The following CROT variants were observed in gnomAD, a reference collection of about 807,000 sequenced individuals.
CROT encodes carnitine O-octanoyltransferase.
Under a neutral mutation model 89.2 loss-of-function variants are expected in CROT, and 84 were observed. The ratio of observed to expected loss-of-function variants is 0.94; its 90% CI spans 0.79 to 1.13. The LOEUF (loss-of-function observed/expected upper bound fraction) is 1.13. CROT is among the 50% of genes most tolerant of loss of function. CROT has a pLI of 0.00. For missense variants in CROT, 711 were observed against 727.8 expected (o/e 0.98, Z 0.27); for synonymous variants, 212 against 239.5 (o/e 0.89, Z 1.06).
intron 2 of CROT, among the ~76,000 whole-genome samples, chr7:87,347,487 T>G (rs764351673): frequency 9.2e-5 from 14 of 152,008 alleles, no homozygotes; most frequent in Non-Finnish European, 2.1e-4. Context: ...TGTACTTGGA[T>G]CCAGATCTAC....
chr7:87,373,545 T>TA (rs915603891), intron 7 of CROT, among the ~76,000 whole-genome samples: 19 of 151,996 alleles, frequency 1.3e-4, no homozygotes, highest in Non-Finnish European at 1.2e-4. Flanking sequence ...AAGATCTTTT[T>TA]AAAAAAAATT....
chr7:87,373,409 A>G (rs1196764196), intron 7 of CROT, among the ~76,000 whole-genome samples: 5 of 152,024 alleles, frequency 3.3e-5, no homozygotes, highest in Non-Finnish European at 7.4e-5. Context: ...TTGATGCACA[A>G]TATTTTTCGT....
At chr7:87,381,033 C>T (rs1363699210) in intron 10 of CROT, among the ~76,000 whole-genome samples, 1 of 152,182 alleles carries the variant, frequency 6.6e-6, no homozygotes. Context: ...ATAGGCTCCG[C>T]TGGGCCATGA....
chr7:87,364,578 G>A lies in CROT; in HGVS notation c.547+2726G>A, dbSNP rs192350490. Among the ~76,000 whole-genome samples the A allele has an allele frequency of 1.6e-4, 25 of 152,290 alleles. 1 individual carries two copies. The East Asian group carries it at 3.8e-3, about 23-fold the overall frequency. The stretch of plus-strand genomic sequence containing the variant: ...AGTGGTGGTAACATTTGGAAATAAT[G>A]CTTGCAAGAAAAGTTTTGATGTGCA... On this transcript the variant is annotated intron_variant, in intron 6 of 17. Coordinates refer to ENST00000331536, the MANE Select transcript of CROT (RefSeq NM_021151.4).
At chr7:87,371,465 T>A (rs966977063) in intron 7 of CROT, among the ~76,000 whole-genome samples, 1 of 152,242 alleles carries the variant, frequency 6.6e-6, no homozygotes, top group African/African-American at 2.4e-5. Context: ...TTGTTTCCAT[T>A]TGTTGCTATA....
At position 87,392,644 on chromosome 7, in the gene CROT, G is replaced by T. The variant is rs146255213; in HGVS notation, c.1504G>T (p.Gly502Ter). 1 of 1,612,542 alleles carries T rather than the reference G, an allele frequency of 6.2e-7. No homozygotes were observed. Among genetic ancestry groups the T allele is most frequent in the Non-Finnish European group, 8.5e-7 (1 of 1,179,208 alleles). The change falls in exon 15 of 18, where the codon GGA (glycine) becomes TGA (stop). Residue 502 changes from glycine to a stop codon, truncating the protein, a stop_gained and splice_region_variant. Transcript: ENST00000331536. LOFTEE classifies it high-confidence loss of function. The stretch of plus-strand genomic sequence containing the variant: ...GATGAAAGATTGTTCAGCTGGAAAA[G>T]GTACTTAAGTTAAAATTTTTCTGAC... Reference protein sequence around the residue: ...KMMKDCSAGKGFDRHLLGLLL... With the variant: ...KMMKDCSAGK
Position 87,369,593 on chromosome 7 carries a change from A to T in CROT, c.656+109A>T, listed in dbSNP as rs546712901. 1.2e-3 allele frequency: 604 copies of T among 498,136 alleles called. 14 individuals are homozygous for T. The East Asian group carries it at 0.02, about 16-fold the overall frequency. The allele number at this position is 498,136 out of a possible 1,614,324, so 30.9% of individuals were successfully genotyped here. ...GGTGATAGTAAGCTGAAAAATAAGA[A>T]TTTTATGCATGCTTTTTTAAAAAAA... On this transcript the variant is annotated intron_variant, in intron 7 of 17. Transcript: ENST00000331536.
chr7:87,351,234 G>A (rs1324419967), intron 3 of CROT, among the ~76,000 whole-genome samples: 3 of 149,606 alleles, frequency 2.0e-5, no homozygotes, highest in African/African-American at 4.9e-5. Context: ...GCGTGAACCC[G>A]GGAGGCAGAG....
At position 87,381,947 on chromosome 7, in the gene CROT, GTTA is replaced by G. The variant is rs765080232; in HGVS notation, c.1021_1023del (p.Tyr341del). On this transcript the variant is annotated inframe_deletion, in exon 11 of 18. Transcript: ENST00000331536. ...GATGCAATGATTATGGTGAACATCA[GTTA>G]TTATGTGGATGAGAAAATTTTTCAG... 10 of 1,611,148 alleles carry G rather than the reference GTTA, an allele frequency of 6.2e-6. No individual in the cohort carries two copies. The highest frequency in any genetic ancestry group is 3.3e-4 in the Middle Eastern group (2 of 6,026).
chr7:87,361,777 C>A lies in CROT; in HGVS notation c.472C>A (p.Gln158Lys). The change falls in exon 6 of 18, where the codon CAA (glutamine) becomes AAA (lysine). Residue 158 changes from glutamine to lysine, a missense_variant. Physicochemically the swap from Gln to Lys is moderately conservative, Grantham distance 53. Transcript: ENST00000331536. Reference protein sequence around the residue: ...KVGNTPLDMNQFRMLFSTCKV... With the variant: ...KVGNTPLDMNKFRMLFSTCKV... Reference sequence around the variant, plus strand: ...TGGAAATACTCCTCTAGATATGAATCAATTCCGAATGCTATTTTCTACCTG... The same window carrying A: ...TGGAAATACTCCTCTAGATATGAATAAATTCCGAATGCTATTTTCTACCTG... 6 of 1,608,490 alleles carry A rather than the reference C, an allele frequency of 3.7e-6. No individual in the cohort carries two copies. The highest frequency in any genetic ancestry group is 5.1e-6 in the Non-Finnish European group (6 of 1,177,242).
intron 2 of CROT, among the ~76,000 whole-genome samples, chr7:87,348,452 T>C (rs1805764261): frequency 6.6e-6 from 1 of 152,338 alleles, no homozygotes; most frequent in African/African-American, 2.4e-5. Context: ...AATTCTACAG[T>C]TGGACACTTC....
At chr7:87,351,022 A>AG (rs11398173) in intron 3 of CROT, among the ~76,000 whole-genome samples, 9,703 of 152,166 alleles carry the variant, frequency 0.064, 775 homozygotes, top group African/African-American at 0.19. Context: ...AGAAAAGGAA[A>AG]TATTGGCTAG....
At chr7:87,362,270 C>T (rs1028330923) in intron 6 of CROT, among the ~76,000 whole-genome samples, 2 of 150,938 alleles carry the variant, frequency 1.3e-5, no homozygotes, top group African/African-American at 4.9e-5. Context: ...TGTCCCTCCA[C>T]CTTATATGAG....
intron 13 of CROT, 21 bp downstream of exon 13, chr7:87,382,564 A>G (rs1462570309): frequency 2.5e-6 from 4 of 1,602,046 alleles, no homozygotes; most frequent in South Asian, 2.3e-5. Context: ...TTCAGTTTCT[A>G]TTTTCACAGT....
intron 14 of CROT, 76 bp downstream of exon 14, chr7:87,391,788 A>T: frequency 7.1e-7 from 1 of 1,413,466 alleles, no homozygotes; most frequent in Non-Finnish European, 9.6e-7. Flanking sequence ...TGAGTAACTA[A>T]CTTCTTTGCT....
intron 6 of CROT, among the ~76,000 whole-genome samples, chr7:87,362,304 CTT>C (rs1237429320): frequency 0.038 from 4,991 of 132,202 alleles, 73 homozygotes; most frequent in Non-Finnish European, 0.057. Flanking sequence ...GTCACTCTTC[CTT>C]TTTTTTTTTT....
intron 7 of CROT, 108 bp downstream of exon 7, chr7:87,369,592 A>T: frequency 4.0e-6 from 2 of 503,508 alleles, no homozygotes; most frequent in Admixed American, 6.9e-5. Context: ...GAAAAATAAG[A>T]ATTTTATGCA....
At chr7:87,378,729 G>A (rs1806889854) in intron 10 of CROT, among the ~76,000 whole-genome samples, 1 of 152,114 alleles carries the variant, frequency 6.6e-6, no homozygotes, top group African/African-American at 2.4e-5. Flanking sequence ...TCCCCATCCT[G>A]GGGAATCAGG....
intron 13 of CROT, among the ~76,000 whole-genome samples, chr7:87,383,129 CTCT>C (rs1390378892): frequency 6.6e-6 from 1 of 152,126 alleles, no homozygotes; most frequent in Admixed American, 6.6e-5. Context: ...TCCAAGTCTT[CTCT>C]TCTTGGTATT....
Sources: allele counts gnomAD v4.1 joint callset (sites outside exome capture counted in the v4.1 genomes callset), GRCh38; gene constraint gnomAD v4.1.1; transcripts MANE v1.5; gene names NCBI Gene and HGNC (gene_info 2026-07-23, HGNC 2026-07-21).